The following DGLUCY variants were observed in gnomAD, a reference collection of about 807,000 sequenced individuals.
DGLUCY encodes the protein D-glutamate cyclase.
Under a neutral mutation model 58.5 loss-of-function variants are expected in DGLUCY, and 58 were observed. That is an observed-to-expected ratio of 0.99 (90% CI 0.80 to 1.23). DGLUCY has a LOEUF of 1.23. Ranked by LOEUF, DGLUCY falls within the 50% of genes most tolerant of loss-of-function variation. The pLI is 0.00. For synonymous variants in DGLUCY, 325 were observed against 314.1 expected, an observed-to-expected ratio of 1.03 and a Z score of -0.37; for missense variants, 779 against 784.7, an observed-to-expected ratio of 0.99 and a Z score of 0.09.
intron 1 of DGLUCY, among the ~76,000 whole-genome samples, chr14:91,066,121 T>A (rs553122569): frequency 1.3e-5 from 2 of 152,334 alleles, no homozygotes; most frequent in African/African-American, 4.8e-5. Flanking sequence ...CTCACGCCTG[T>A]AATCCCAGCA....
chr14:91,200,749 G>T (rs184812152), intron 11 of DGLUCY, among the ~76,000 whole-genome samples: 29 of 152,190 alleles, frequency 1.9e-4, no homozygotes, highest in Non-Finnish European at 3.7e-4. Flanking sequence ...GTAATGTCAC[G>T]TGCGTCTGTG....
At chr14:91,106,473 G>A (rs747427019), upstream of DGLUCY, among the ~76,000 whole-genome samples, 3 of 152,012 alleles carry the variant, frequency 2.0e-5, no homozygotes, top group Non-Finnish European at 4.4e-5. Flanking sequence ...TTGGGAGGCC[G>A]AGGCGGGCAG....
At chr14:91,094,452 C>T (rs1325113519) in intron 1 of DGLUCY, among the ~76,000 whole-genome samples, 1 of 148,968 alleles carries the variant, frequency 6.7e-6, no homozygotes, top group Non-Finnish European at 1.5e-5. Context: ...AAAAAAGCAA[C>T]TACAGCCCAT....
At chr14:91,069,248 A>G (rs1015335731) in intron 1 of DGLUCY, among the ~76,000 whole-genome samples, 2 of 152,030 alleles carry the variant, frequency 1.3e-5, no homozygotes, top group African/African-American at 4.8e-5. Context: ...AGAACTTACT[A>G]AAGTTTTGTT....
intron 1 of DGLUCY, among the ~76,000 whole-genome samples, chr14:91,095,614 A>G (rs984858057): frequency 2.6e-5 from 4 of 152,228 alleles, no homozygotes; most frequent in African/African-American, 9.6e-5. Context: ...AAATGTGGCA[A>G]CAGCTGGAGA....
At chr14:91,124,568 G>A (rs1307685754) in intron 1 of DGLUCY, among the ~76,000 whole-genome samples, 2 of 152,162 alleles carry the variant, frequency 1.3e-5, no homozygotes, top group Non-Finnish European at 2.9e-5. Context: ...CGTGTTGCCC[G>A]GGCCAAGGAA....
At chr14:91,060,345 G>C (rs1416021973) in exon 1 of DGLUCY, 3 of 1,445,232 alleles carry the variant, frequency 2.1e-6, no homozygotes, top group African/African-American at 1.5e-5. Context: ...TCCGCAGCTC[G>C]TGCTTGACAG....
At chr14:91,070,144 C>T (rs1367580639) in intron 1 of DGLUCY, among the ~76,000 whole-genome samples, 9 of 152,002 alleles carry the variant, frequency 5.9e-5, no homozygotes. Context: ...TTTGAAGAAC[C>T]AGTATGATAG....
intron 1 of DGLUCY, chr14:91,129,015 C>T (rs1595706945): frequency 6.6e-6 from 1 of 152,118 alleles, no homozygotes; most frequent in African/African-American, 2.4e-5. Context: ...GGGCTGGGCT[C>T]TCAGCACATT....
intron 8 of DGLUCY, among the ~76,000 whole-genome samples, chr14:91,186,309 C>T (rs1454825273): frequency 2.6e-5 from 4 of 152,184 alleles, no homozygotes; most frequent in East Asian, 1.9e-4. Context: ...TGCAGTGGTG[C>T]GATCTCAGCT....
At chr14:91,079,478 C>T (rs1197515221) in intron 1 of DGLUCY, among the ~76,000 whole-genome samples, 2 of 151,922 alleles carry the variant, frequency 1.3e-5, no homozygotes, top group Non-Finnish European at 2.9e-5. Flanking sequence ...CTCAGCCTCC[C>T]AAGTAGCTGG....
At chr14:91,095,759 T>A (rs1019939513) in intron 1 of DGLUCY, among the ~76,000 whole-genome samples, 10 of 152,110 alleles carry the variant, frequency 6.6e-5, no homozygotes, top group African/African-American at 2.4e-4. Context: ...ACCTCTTCAG[T>A]GGTACTCTCC....
At chr14:91,177,794 A>G (rs1401717002) in intron 7 of DGLUCY, among the ~76,000 whole-genome samples, 1 of 152,258 alleles carries the variant, frequency 6.6e-6, no homozygotes, top group African/African-American at 2.4e-5. Flanking sequence ...CAAGATCCAC[A>G]GGATTCCATT....
chr14:91,075,092 G>T (rs1339082430), intron 1 of DGLUCY, among the ~76,000 whole-genome samples: 1 of 148,938 alleles, frequency 6.7e-6, no homozygotes, highest in African/African-American at 2.5e-5. Flanking sequence ...AAAAAAAGAA[G>T]AATTGCTCTT....
chr14:91,175,938 G>A lies in DGLUCY; in HGVS notation c.612G>A (p.Leu204=). 6.2e-7 allele frequency: 1 copy of A among 1,613,852 alleles called. No homozygotes were observed. The highest frequency in any genetic ancestry group is 8.5e-7 in the Non-Finnish European group (1 of 1,179,790). The change falls in exon 7 of 14, where the codon CTG becomes CTA. Residue 204 remains leucine (L), a synonymous_variant. Transcript: ENST00000256324. The stretch of plus-strand genomic sequence containing the variant: ...ATTTTCCTTTTCCATCTGCAGAACT[G>A]TTGGGAATCAAAGAGCTTTCCAAAC... ...GQPVHMGDPE[L]LGIKELSKPA... is the part of the protein sequence containing the mutation.
At chr14:91,086,940 A>G (rs1002827612) in intron 1 of DGLUCY, among the ~76,000 whole-genome samples, 6 of 152,068 alleles carry the variant, frequency 3.9e-5, no homozygotes, top group Non-Finnish European at 5.9e-5. Context: ...TTTGGTAGAG[A>G]TGGGGTTTCA....
In DGLUCY at chr14:91,167,357, A is replaced by T; in HGVS notation, c.236A>T (p.Gln79Leu). The stretch of plus-strand genomic sequence containing the variant: ...CCAGAAAAGTGGATGCTGCCCCCTC[A>T]AGGTGCTATCTCAGAGACCAGGTAA... ...SEPEKWMLPP[Q>L]GAISETRMGH... The change falls in exon 4 of 14, where the codon CAA becomes CTA. Residue 79 changes from glutamine (Q) to leucine (L), a missense_variant. Transcript: ENST00000256324. 3 of 1,614,032 alleles carry T rather than the reference A, an allele frequency of 1.9e-6. No individual in the cohort carries two copies. Among genetic ancestry groups the T allele is most frequent in the Non-Finnish European group, 2.5e-6 (3 of 1,180,006 alleles).
intron 1 of DGLUCY, among the ~76,000 whole-genome samples, chr14:91,086,381 A>G (rs1194713488): frequency 2.0e-5 from 3 of 152,172 alleles, no homozygotes; most frequent in African/African-American, 7.2e-5. Flanking sequence ...GGTGCCAAAA[A>G]AATTGGGGAC....
chr14:91,225,092 A>G lies in DGLUCY; in HGVS notation c.*259A>G. ...AAGGCGTTGATTTCAACCCTCCTTC[A>G]CTCTGGCTTCTTCAGGCAACCCACG... On this transcript the variant is annotated 3_prime_UTR_variant, in exon 14 of 14. Coordinates refer to ENST00000256324, the MANE Select transcript of DGLUCY (RefSeq NM_001102368.3). 3.1e-6 allele frequency: 1 copy of G among 320,494 alleles called. No homozygotes were observed. The allele number at this position is 320,494 out of a possible 1,614,324, so 19.9% of individuals were successfully genotyped here.
Sources: allele counts gnomAD v4.1 joint callset (sites outside exome capture counted in the v4.1 genomes callset), GRCh38; gene constraint gnomAD v4.1.1; transcripts MANE v1.5; gene names NCBI Gene and HGNC (gene_info 2026-07-23, HGNC 2026-07-21).